Variants in GALNT13 observed in about 807,000 individuals in gnomAD.
GALNT13 encodes the protein UDP-GalNAc:polypeptide N-acetylgalactosaminyltransferase 13.
In GALNT13, 28 loss-of-function variants were observed where a neutral mutation model predicts 64.2. That is an observed-to-expected ratio of 0.44 (90% CI 0.32 to 0.60). GALNT13 has a LOEUF of 0.60. Ranked by LOEUF, GALNT13 falls within the 20% of genes least tolerant of loss-of-function variation. GALNT13 has a pLI of 0.05. For synonymous variants in GALNT13, 214 were observed against 224.6 expected, an observed-to-expected ratio of 0.95 and a Z score of 0.42; for missense variants, 577 against 669.8, an observed-to-expected ratio of 0.86 and a Z score of 1.53.
chr2:153,352,304 G>T, the GALNT13 span, among the ~76,000 whole-genome samples: 6 of 152,098 alleles, frequency 3.9e-5, no homozygotes, highest in African/African-American at 1.2e-4. Context: ...AAATTGAGTT[G>T]TTTGTTTTCT....
In GALNT13 at chr2:154,289,253, A is replaced by G. The variant is rs1045060816; in HGVS notation, c.976-12156A>G. 4.6e-5 allele frequency among the ~76,000 whole-genome samples: 7 copies of G among 152,334 alleles called. No individual in the cohort carries two copies. The East Asian group carries it at 1.4e-3, about 29-fold the overall frequency. ...AGCACCAAGTCCCAAGACTGCATAA[A>G]GCAATAAGGCCCTGGGCTGGCCTAT... is the stretch of plus-strand genomic sequence containing the variant. On this transcript the variant is annotated intron_variant, in intron 8 of 12. Coordinates refer to ENST00000392825, the MANE Select transcript of GALNT13 (RefSeq NM_052917.4).
intron 3 of GALNT13, among the ~76,000 whole-genome samples, chr2:154,092,390 G>A (rs1405288885): frequency 6.6e-6 from 1 of 152,016 alleles, no homozygotes; most frequent in African/African-American, 2.4e-5. Flanking sequence ...TGTCATTTTT[G>A]AAGGTATTTT....
At chr2:153,663,649 T>C in the GALNT13 span, among the ~76,000 whole-genome samples, 2 of 152,132 alleles carry the variant, frequency 1.3e-5, no homozygotes, top group African/African-American at 4.8e-5. Context: ...AGCTCCAAAC[T>C]GGGGGACATC....
At chr2:154,023,847 C>T (rs1405157404) in intron 3 of GALNT13, among the ~76,000 whole-genome samples, 1 of 152,148 alleles carries the variant, frequency 6.6e-6, no homozygotes, top group Non-Finnish European at 1.5e-5. Flanking sequence ...TGTTCCTTTC[C>T]ATGTTTAGTG....
At chr2:153,129,279 C>G in the GALNT13 span, among the ~76,000 whole-genome samples, 1 of 152,128 alleles carries the variant, frequency 6.6e-6, no homozygotes, top group Non-Finnish European at 1.5e-5. Context: ...AATCAAAGTC[C>G]TTCTACTCAA....
the GALNT13 span, among the ~76,000 whole-genome samples, chr2:153,368,754 T>C: frequency 2.0e-5 from 3 of 152,018 alleles, no homozygotes; most frequent in African/African-American, 7.2e-5. Flanking sequence ...CTGTCAGTAA[T>C]TGAACAAATA....
chr2:153,642,162 T>C, the GALNT13 span, among the ~76,000 whole-genome samples: 3 of 152,108 alleles, frequency 2.0e-5, no homozygotes, highest in African/African-American at 7.2e-5. Context: ...ATTGTCATTA[T>C]TTTCTAATAT....
At chr2:153,895,008 A>C (rs530827125) in intron 1 of GALNT13, among the ~76,000 whole-genome samples, 11 of 152,276 alleles carry the variant, frequency 7.2e-5, no homozygotes, top group Admixed American at 1.3e-4. Flanking sequence ...AATATTTGTA[A>C]TAATCTCCAT....
the GALNT13 span, among the ~76,000 whole-genome samples, chr2:153,137,400 A>G: frequency 2.6e-5 from 4 of 152,232 alleles, no homozygotes; most frequent in South Asian, 2.1e-4. Context: ...TTAAGGATCT[A>G]TCTTGATTAA....
Position 154,443,971 on chromosome 2 carries a change from T to A in GALNT13, c.1530+5245T>A, listed in dbSNP as rs114289715. On this transcript the variant is annotated intron_variant, in intron 12 of 12. Transcript: ENST00000392825. ...TAGATGATCCTATTTTTAGTCAATA[T>A]TTTAAATAAAGCTATAGGAAAATAT... Among the ~76,000 whole-genome samples, 876 of 152,232 alleles carry A rather than the reference T, an allele frequency of 5.8e-3. 8 individuals are homozygous for A. The highest frequency in any genetic ancestry group is 0.02 in the African/African-American group (837 of 41,556).
the GALNT13 span, among the ~76,000 whole-genome samples, chr2:153,738,474 T>G: frequency 6.6e-6 from 1 of 152,146 alleles, no homozygotes; most frequent in East Asian, 1.9e-4. Context: ...ATTTAAAAAC[T>G]TAATTTGTAT....
At chr2:153,873,867 T>G (rs1398447360) in intron 1 of GALNT13, among the ~76,000 whole-genome samples, 1 of 149,858 alleles carries the variant, frequency 6.7e-6, no homozygotes, top group African/African-American at 2.5e-5. Context: ...TCTCGCTGTC[T>G]CCCTGTCTCT....
chr2:153,815,593 C>T, the GALNT13 span, among the ~76,000 whole-genome samples: 5 of 152,298 alleles, frequency 3.3e-5, no homozygotes, highest in East Asian at 9.6e-4. Context: ...TAGATTGTAG[C>T]TGTAAGCTAC....
chr2:153,710,520 G>A, the GALNT13 span, among the ~76,000 whole-genome samples: 1 of 152,232 alleles, frequency 6.6e-6, no homozygotes, highest in South Asian at 2.1e-4. Context: ...AACAACTGGT[G>A]TAAGTAATTT....
chr2:154,193,947 A>G (rs1333487378), intron 4 of GALNT13, among the ~76,000 whole-genome samples: 4 of 152,140 alleles, frequency 2.6e-5, no homozygotes, highest in African/African-American at 7.2e-5. Flanking sequence ...AACCAAGTTG[A>G]ATAGGACCTG....
In GALNT13 at chr2:154,144,338, C is replaced by T. The variant is rs1012778324; in HGVS notation, c.311+3833C>T. On this transcript the variant is annotated intron_variant, in intron 4 of 12. Coordinates refer to ENST00000392825, the MANE Select transcript of GALNT13 (RefSeq NM_052917.4). ...TTTAAAAGATGTAGAAATGTTAATA[C>T]TCATTTGATCTAGAAAATATTTTTA... Among the ~76,000 whole-genome samples, 4 of 152,136 alleles carry T rather than the reference C, an allele frequency of 2.6e-5. No homozygotes were observed. In the South Asian group the frequency reaches 8.3e-4, roughly 32 times the overall value.
chr2:154,246,299 T>C (rs1335214875), intron 7 of GALNT13, among the ~76,000 whole-genome samples: 1 of 152,126 alleles, frequency 6.6e-6, no homozygotes, highest in Non-Finnish European at 1.5e-5. Context: ...AGTAAATGTG[T>C]GTCTTACCTT....
chr2:153,317,103 T>G, the GALNT13 span, among the ~76,000 whole-genome samples: 1 of 152,182 alleles, frequency 6.6e-6, no homozygotes, highest in African/African-American at 2.4e-5. Flanking sequence ...GAGGCAAAGT[T>G]AAAAATTAAA....
intron 11 of GALNT13, among the ~76,000 whole-genome samples, chr2:154,427,299 T>A (rs1224489948): frequency 6.6e-6 from 1 of 152,338 alleles, no homozygotes; most frequent in South Asian, 2.1e-4. Context: ...TGTTGCAGTA[T>A]TGTCCAATTC....
Sources: gnomAD v4.1 joint callset for allele counts (sites outside exome capture counted in the v4.1 genomes callset) on GRCh38, gnomAD v4.1.1 for gene constraint, MANE v1.5 for transcripts, NCBI Gene and HGNC (gene_info 2026-07-23, HGNC 2026-07-21) for gene names.